TBC1D15: variants seen among roughly 807,000 people sequenced by gnomAD.
TBC1D15 encodes TBC1 domain family member 15.
A neutral mutation model predicts 95.4 loss-of-function variants in TBC1D15; 39 were observed. That is an observed-to-expected ratio of 0.41 (90% CI 0.32 to 0.53). The LOEUF is 0.53. Among genes scored for constraint, TBC1D15 ranks in the 20% least tolerant of loss-of-function variants. The pLI is 0.29. For synonymous variants in TBC1D15, 258 were observed against 261.3 expected (o/e 0.99, Z 0.12); for missense variants, 733 against 794.3 (o/e 0.92, Z 0.93).
At chr12:71,908,703 A>G (rs1012827842) in intron 11 of TBC1D15, among the ~76,000 whole-genome samples, 2 of 152,164 alleles carry the variant, frequency 1.3e-5, no homozygotes, top group Non-Finnish European at 2.9e-5. Flanking sequence ...GAATTGTTGC[A>G]AGAATATTAA....
intron 10 of TBC1D15, among the ~76,000 whole-genome samples, chr12:71,899,328 T>C (rs929468792): frequency 6.6e-6 from 1 of 152,188 alleles, no homozygotes; most frequent in African/African-American, 2.4e-5. Flanking sequence ...GCAGATAAAG[T>C]TGAAGCCCAG....
rs146106439 is a variant in TBC1D15, at chr12:71,903,008, G to C, written c.1184-4014G>C. 1.8e-3 allele frequency among the ~76,000 whole-genome samples: 280 copies of C among 152,312 alleles called. 2 individuals are homozygous for C. Among genetic ancestry groups the C allele is most frequent in the Admixed American group, 7.2e-3 (110 of 15,306 alleles). On this transcript the variant is annotated intron_variant, in intron 10 of 16. Transcript: ENST00000485960. ...GCTCACTGCAACCCCTGCCTCCCGG[G>C]TTCAAGCAATTCTCTGCGTCAGCCT... is the stretch of plus-strand genomic sequence containing the variant.
intron 3 of TBC1D15, among the ~76,000 whole-genome samples, chr12:71,876,830 A>T (rs1592742364): frequency 2.3e-5 from 3 of 128,032 alleles, no homozygotes; most frequent in African/African-American, 6.0e-5. Context: ...GTTTTTTTTG[A>T]GACAGAGTCT....
intron 10 of TBC1D15, among the ~76,000 whole-genome samples, chr12:71,901,362 G>T (rs1899355799): frequency 1.3e-5 from 2 of 151,884 alleles, no homozygotes; most frequent in Non-Finnish European, 2.9e-5. Flanking sequence ...TACTAAGATG[G>T]GAAAAACTGT....
At chr12:71,901,024 A>G (rs1275443452) in intron 10 of TBC1D15, among the ~76,000 whole-genome samples, 1 of 152,016 alleles carries the variant, frequency 6.6e-6, no homozygotes, top group African/African-American at 2.4e-5. Flanking sequence ...TGGCATATGG[A>G]TATTGCTGGG....
At position 71,888,000 on chromosome 12, in the gene TBC1D15, A is replaced by C. The variant is rs145356306; in HGVS notation, c.554+2979A>C. On this transcript the variant is annotated intron_variant, in intron 5 of 16. Coordinates refer to ENST00000485960, the MANE Select transcript of TBC1D15 (RefSeq NM_001146213.3). ...TTGCTTTATGTGACTCCAGAAAGAA[A>C]TTAGAAGACAGGTTTTAGCTCAGGA... Among the ~76,000 whole-genome samples the C allele has an allele frequency of 2.1e-3, 327 of 152,366 alleles. 1 individual carries two copies. The highest frequency in any genetic ancestry group is 0.01 in the Middle Eastern group (3 of 294).
At chr12:71,876,820 GT>G (rs1256328377) in intron 3 of TBC1D15, among the ~76,000 whole-genome samples, 6 of 106,330 alleles carry the variant, frequency 5.6e-5, no homozygotes, top group Non-Finnish European at 1.0e-4. Context: ...TTTTTGTTTT[GT>G]TTTTTTTGAG....
intron 3 of TBC1D15, among the ~76,000 whole-genome samples, chr12:71,874,724 A>G (rs1893421314): frequency 6.7e-6 from 1 of 149,076 alleles, no homozygotes; most frequent in African/African-American, 2.5e-5. Context: ...CCAGGTTCAA[A>G]CAATTCTCAT....
chr12:71,849,562 T>C (rs1887229248), intron 1 of TBC1D15: 1 of 686,818 alleles, frequency 1.5e-6, no homozygotes, highest in African/African-American at 1.8e-5. Flanking sequence ...TTACAGTGGC[T>C]GTCCAGATTG....
Position 71,894,679 on chromosome 12 carries a change from T to G in TBC1D15, c.658-7T>G. On this transcript the variant is annotated splice_region_variant and splice_polypyrimidine_tract_variant and intron_variant, in intron 6 of 16. Transcript: ENST00000485960. ...ATAATGCTAATATTTTTCTTCCTAC[T>G]GCATAGAAAATTAAAAAGGACCCTT... The G allele has an allele frequency of 6.2e-7, 1 of 1,607,072 alleles. No homozygotes were observed.
intron 5 of TBC1D15, among the ~76,000 whole-genome samples, chr12:71,889,204 C>G (rs1896795265): frequency 6.6e-6 from 1 of 152,116 alleles, no homozygotes; most frequent in Non-Finnish European, 1.5e-5. Context: ...TAGGCTTAAT[C>G]ATTAAGTTTT....
intron 3 of TBC1D15, among the ~76,000 whole-genome samples, chr12:71,878,782 G>T (rs528965565): frequency 1.4e-3 from 210 of 151,474 alleles, no homozygotes; most frequent in African/African-American, 4.9e-3. Context: ...CTCCCAAAGT[G>T]CTGGGATTAC....
At chr12:71,909,224 A>G (rs1302522411) in intron 11 of TBC1D15, among the ~76,000 whole-genome samples, 2 of 152,214 alleles carry the variant, frequency 1.3e-5, no homozygotes, top group Non-Finnish European at 2.9e-5. Context: ...GGCCTTATAG[A>G]AGCCAAGATA....
intron 1 of TBC1D15, among the ~76,000 whole-genome samples, chr12:71,848,798 T>C (rs1410072796): frequency 6.6e-6 from 1 of 152,234 alleles, no homozygotes; most frequent in Admixed American, 6.5e-5. Context: ...GGAAATTCAC[T>C]TGGACGTAAT....
At chr12:71,839,923 C>A in intron 1 of TBC1D15, 112 bp downstream of exon 1, 1 of 1,368,834 alleles carries the variant, frequency 7.3e-7, no homozygotes, top group Non-Finnish European at 1.0e-6. Flanking sequence ...TCCGGACAAC[C>A]CGTGGCGTCT....
rs551848485 is a variant in TBC1D15 at position 71,839,805 on chromosome 12, C to G, written c.24C>G (p.Ser8Arg). The G allele has an allele frequency of 9.9e-6, 16 of 1,614,008 alleles. No homozygotes were observed. Among genetic ancestry groups the G allele is most frequent in the Non-Finnish European group, 1.4e-5 (16 of 1,180,020 alleles). MAAAGVV[S>R]GKIIYEQEGV... ...ACATGGCGGCGGCGGGTGTTGTGAG[C>G]GGGAAGGTAGGTAACGGCCTCCAGG... The change falls in exon 1 of 17, where the codon AGC becomes AGG. Residue 8 changes from serine to arginine, a missense_variant. Transcript: ENST00000485960.
intron 1 of TBC1D15, among the ~76,000 whole-genome samples, chr12:71,846,194 G>A (rs1006930694): frequency 6.6e-6 from 1 of 152,190 alleles, no homozygotes; most frequent in African/African-American, 2.4e-5. Context: ...TAGCTCCTTT[G>A]CTAGAGGAGA....
At chr12:71,909,686 G>A (rs539416761) in intron 11 of TBC1D15, among the ~76,000 whole-genome samples, 2 of 152,062 alleles carry the variant, frequency 1.3e-5, no homozygotes, top group East Asian at 3.9e-4. Flanking sequence ...TTTCTTTTTG[G>A]TGTAAGCAAG....
chr12:71,874,487 T>C (rs898115713), intron 3 of TBC1D15, among the ~76,000 whole-genome samples: 11 of 152,154 alleles, frequency 7.2e-5, no homozygotes, highest in African/African-American at 2.7e-4. Context: ...TTGTGGAATT[T>C]TTTTTCCTGA....
Sources: gnomAD v4.1 joint callset for allele counts (sites outside exome capture counted in the v4.1 genomes callset) on GRCh38, gnomAD v4.1.1 for gene constraint, MANE v1.5 for transcripts, NCBI Gene and HGNC (gene_info 2026-07-23, HGNC 2026-07-21) for gene names.